SUZ12: variants seen among roughly 807,000 people sequenced by gnomAD.
The protein encoded by SUZ12 is polycomb protein SUZ12.
SUZ12 carries 17 observed loss-of-function variants against 87.3 expected under a neutral mutation model. That is an observed-to-expected ratio of 0.19 (90% CI 0.13 to 0.29). SUZ12 has a LOEUF of 0.29. Ranked by LOEUF, SUZ12 falls within the 10% of genes least tolerant of loss-of-function variation. The pLI, the probability that SUZ12 is intolerant of heterozygous loss-of-function variation, is 1.00. For synonymous variants in SUZ12, 253 were observed against 312.4 expected, an observed-to-expected ratio of 0.81 and a Z score of 2.01; for missense variants, 526 against 912.2, an observed-to-expected ratio of 0.58 and a Z score of 5.45.
chr17:31,983,406 G>GCTGTGATT (rs1477036209), intron 9 of SUZ12, among the ~76,000 whole-genome samples: 3 of 151,376 alleles, frequency 2.0e-5, no homozygotes, highest in Middle Eastern at 6.3e-3. Context: ...CTCCCAAGTA[G>GCTGTGATT]CTGTGATTCT....
intron 9 of SUZ12, among the ~76,000 whole-genome samples, chr17:31,983,965 A>G (rs1909266786): frequency 6.6e-6 from 1 of 152,234 alleles, no homozygotes. Context: ...ATTTCTAAAT[A>G]TGTTAGATCA....
intron 4 of SUZ12, among the ~76,000 whole-genome samples, chr17:31,960,241 C>T (rs1250282920): frequency 3.3e-5 from 5 of 151,852 alleles, no homozygotes; most frequent in African/African-American, 9.7e-5. Context: ...GACGGGGTCT[C>T]GCTCTGTTGC....
At chr17:31,951,120 C>T (rs535524459) in intron 4 of SUZ12, among the ~76,000 whole-genome samples, 16 of 152,246 alleles carry the variant, frequency 1.1e-4, no homozygotes, top group South Asian at 4.1e-4. Context: ...GGTCCCAGAT[C>T]TGTACAGGTC....
At chr17:31,986,990 G>A (rs138061629) in intron 9 of SUZ12, among the ~76,000 whole-genome samples, 96 of 152,202 alleles carry the variant, frequency 6.3e-4, no homozygotes, top group African/African-American at 2.3e-3. Context: ...GTAAAAATCA[G>A]AAGCAAGTAG....
intron 4 of SUZ12, among the ~76,000 whole-genome samples, chr17:31,951,162 TC>T (rs1454352880): frequency 1.3e-5 from 2 of 152,184 alleles, no homozygotes; most frequent in Non-Finnish European, 2.9e-5. Context: ...GAATTCATAT[TC>T]CTTTAGCACT....
At position 31,951,575 on chromosome 17, in the gene SUZ12, C is replaced by T. The variant is rs150492830; in HGVS notation, c.455+3890C>T. Among the ~76,000 whole-genome samples, 448 of 151,784 alleles carry T rather than the reference C, an allele frequency of 3.0e-3. 2 individuals carry two copies. The highest frequency in any genetic ancestry group is 4.4e-3 in the Non-Finnish European group (298 of 67,906). On this transcript the variant is annotated intron_variant, in intron 4 of 15. Coordinates refer to ENST00000322652, the MANE Select transcript of SUZ12 (RefSeq NM_015355.4). ...TCAGCTCACTGCAAGTTCCGCCTCC[C>T]GGGTTCACGCCATTCTGCCTCAGCC...
intron 3 of SUZ12, among the ~76,000 whole-genome samples, chr17:31,946,480 C>A (rs762364944): frequency 2.6e-5 from 4 of 152,042 alleles, no homozygotes; most frequent in African/African-American, 9.7e-5. Context: ...TGCAGTGAGC[C>A]GAGATCACGT....
At chr17:31,953,323 C>T (rs967247946) in intron 4 of SUZ12, among the ~76,000 whole-genome samples, 1 of 152,132 alleles carries the variant, frequency 6.6e-6, no homozygotes, top group African/African-American at 2.4e-5. Context: ...ATTGGCCAGG[C>T]TGGTCTCAAA....
At chr17:31,944,083 A>G (rs143492043) in intron 3 of SUZ12, among the ~76,000 whole-genome samples, 15,336 of 152,210 alleles carry the variant, frequency 0.1, 1,060 homozygotes, top group Middle Eastern at 0.16. Context: ...AAATTATTAT[A>G]AAATAAGTTT....
At chr17:31,957,243 T>C (rs1014422815) in intron 4 of SUZ12, among the ~76,000 whole-genome samples, 4 of 151,786 alleles carry the variant, frequency 2.6e-5, no homozygotes, top group Non-Finnish European at 5.9e-5. Flanking sequence ...TTTTTTGTTT[T>C]TTTTTTTTCT....
chr17:31,945,496 GT>G (rs1906585399), intron 3 of SUZ12, among the ~76,000 whole-genome samples: 1 of 152,180 alleles, frequency 6.6e-6, no homozygotes, highest in Non-Finnish European at 1.5e-5. Context: ...CGTGTGAGCT[GT>G]TTCTGAAGTC....
intron 4 of SUZ12, among the ~76,000 whole-genome samples, chr17:31,962,736 A>G (rs1907811816): frequency 6.6e-6 from 1 of 152,244 alleles, no homozygotes; most frequent in Non-Finnish European, 1.5e-5. Flanking sequence ...TTTCATATGT[A>G]AGGCTTTCGT....
intron 1 of SUZ12, 148 bp from the exon 2 acceptor site, chr17:31,940,138 T>G: frequency 1.6e-6 from 2 of 1,264,512 alleles, no homozygotes. Context: ...TGTGCATACT[T>G]TCTTGATGTA....
At chr17:31,967,065 G>A (rs560238842) in intron 5 of SUZ12, 2 of 152,070 alleles carry the variant, frequency 1.3e-5, no homozygotes, top group Non-Finnish European at 2.9e-5. Context: ...CAGGCGTGGT[G>A]GTGGGTGCCT....
chr17:31,972,466 G>A (rs1413024867), intron 5 of SUZ12, among the ~76,000 whole-genome samples: 5 of 151,362 alleles, frequency 3.3e-5, no homozygotes, highest in Admixed American at 3.3e-4. Flanking sequence ...AGACTAGAGG[G>A]CAGTGACAGG....
intron 9 of SUZ12, among the ~76,000 whole-genome samples, chr17:31,984,518 T>G (rs1232469737): frequency 2.0e-5 from 3 of 152,356 alleles, no homozygotes; most frequent in African/African-American, 7.2e-5. Context: ...TTAAAATTAG[T>G]CATTTTTATA....
chr17:31,993,685 A>G (rs550663836), intron 11 of SUZ12, among the ~76,000 whole-genome samples, 180 bp from the exon 12 acceptor site: 4 of 152,284 alleles, frequency 2.6e-5, no homozygotes, highest in South Asian at 2.1e-4. Flanking sequence ...TGGCCTCCCA[A>G]AATGCTGGGA....
chr17:31,997,505 G>A (rs891028563), intron 15 of SUZ12, among the ~76,000 whole-genome samples: 11 of 151,804 alleles, frequency 7.2e-5, no homozygotes, highest in Admixed American at 4.6e-4. Context: ...TCCACTAAAC[G>A]TACAAAACTT....
intron 1 of SUZ12, among the ~76,000 whole-genome samples, chr17:31,939,792 C>G (rs1177689186): frequency 6.6e-6 from 1 of 152,082 alleles, no homozygotes; most frequent in African/African-American, 2.4e-5. Context: ...TCCCAAAGTG[C>G]TGGGAATACA....
Sources: allele counts gnomAD v4.1 joint callset (sites outside exome capture counted in the v4.1 genomes callset), GRCh38; gene constraint gnomAD v4.1.1; transcripts MANE v1.5; gene names NCBI Gene and HGNC (gene_info 2026-07-23, HGNC 2026-07-21).